Variants in NXPH2 observed in about 807,000 individuals in gnomAD.
NXPH2 encodes neurexophilin 2, also known as neurexophilin-2.
NXPH2 carries 5 observed loss-of-function variants against 19.8 expected under a neutral mutation model. That is an observed-to-expected ratio of 0.25 (90% CI 0.13 to 0.53). NXPH2 has a LOEUF of 0.53. Ranked by LOEUF, NXPH2 falls within the 20% of genes least tolerant of loss-of-function variation. The probability of loss-of-function intolerance (pLI) is 0.96; values close to 1 mark genes in which losing one functional copy is unlikely to be tolerated. For synonymous variants in NXPH2, 154 were observed against 127.4 expected (o/e 1.21, Z -1.41); for missense variants, 289 against 322.8 (o/e 0.90, Z 0.80).
At position 138,699,768 on chromosome 2, in the gene NXPH2, T is replaced by C. The variant is rs546462121; in HGVS notation, c.52-28103A>G. 2.6e-5 allele frequency among the ~76,000 whole-genome samples: 4 copies of C among 152,336 alleles called. No homozygotes were observed. The East Asian group carries it at 7.7e-4, about 29-fold the overall frequency. ...TCCTATTTGATCCCAGCCAGCTTCC[T>C]GCTGGGGTGCAAAGTATCAGCTGCG... On this transcript the variant is annotated intron_variant, in intron 1 of 1. Coordinates refer to ENST00000272641, the MANE Select transcript of NXPH2 (RefSeq NM_007226.3).
chr2:138,754,748 T>G (rs1190759635), intron 1 of NXPH2, among the ~76,000 whole-genome samples: 1 of 152,166 alleles, frequency 6.6e-6, no homozygotes, highest in East Asian at 1.9e-4. Context: ...TACATTTAGC[T>G]TTATAAGAAG....
intron 1 of NXPH2, among the ~76,000 whole-genome samples, chr2:138,747,978 A>C (rs931580834): frequency 6.6e-6 from 1 of 152,048 alleles, no homozygotes; most frequent in Non-Finnish European, 1.5e-5. Flanking sequence ...TTCTGGACTT[A>C]TTTCTCCAGG....
chr2:138,706,662 A>G (rs913272999), intron 1 of NXPH2, among the ~76,000 whole-genome samples: 1 of 152,214 alleles, frequency 6.6e-6, no homozygotes, highest in African/African-American at 2.4e-5. Context: ...CTGTAATCCC[A>G]GCACTTTTGG....
intron 1 of NXPH2, among the ~76,000 whole-genome samples, chr2:138,743,716 G>C (rs1031044088): frequency 3.9e-5 from 6 of 152,080 alleles, no homozygotes; most frequent in Non-Finnish European, 7.4e-5. Context: ...AAAAATGATG[G>C]AAGTAGCCAG....
At chr2:138,769,524 CAAAG>C (rs1277340423) in intron 1 of NXPH2, among the ~76,000 whole-genome samples, 2 of 152,126 alleles carry the variant, frequency 1.3e-5, no homozygotes, top group East Asian at 3.8e-4. Flanking sequence ...CCAGAAGACA[CAAAG>C]AAGAGTAAAT....
chr2:138,776,305 G>GA (rs925374738), intron 1 of NXPH2, among the ~76,000 whole-genome samples: 11 of 151,796 alleles, frequency 7.2e-5, no homozygotes, highest in South Asian at 2.1e-4. Flanking sequence ...CCATAAAAAA[G>GA]AAAAAATTAC....
rs573592762 is a variant in NXPH2, at chr2:138,705,166, G to A, written c.52-33501C>T. 4.6e-5 allele frequency among the ~76,000 whole-genome samples: 7 copies of A among 152,032 alleles called. No homozygotes were observed. In the South Asian group the frequency reaches 6.2e-4, roughly 14 times the overall value. The stretch of plus-strand genomic sequence containing the variant: ...TTTTGTAGAGATGGAGTCTCGATAC[G>A]TTGCTCAGGCTGGTCTCCAACTCCT... On this transcript the variant is annotated intron_variant, in intron 1 of 1. Coordinates refer to ENST00000272641, the MANE Select transcript of NXPH2 (RefSeq NM_007226.3).
In NXPH2 at chr2:138,673,559, C is replaced by T. The variant is rs112540782; in HGVS notation, c.52-1894G>A. Among the ~76,000 whole-genome samples, 382 of 152,064 alleles carry T rather than the reference C, an allele frequency of 2.5e-3. 1 individual carries two copies. The highest frequency in any genetic ancestry group is 4.2e-3 in the Non-Finnish European group (283 of 68,000). On this transcript the variant is annotated intron_variant, in intron 1 of 1. Coordinates refer to ENST00000272641, the MANE Select transcript of NXPH2 (RefSeq NM_007226.3). ...TCAAACTACTTTAAAATATACAACA[C>T]GTTGTTGCTAACTATAGTATAGTCA...
intron 1 of NXPH2, among the ~76,000 whole-genome samples, chr2:138,748,116 G>T (rs1041154536): frequency 3.9e-5 from 6 of 152,208 alleles, no homozygotes; most frequent in Non-Finnish European, 2.9e-5. Context: ...CATTTATCCA[G>T]TGTTTCACGA....
At chr2:138,736,786 T>A (rs1681551390) in intron 1 of NXPH2, among the ~76,000 whole-genome samples, 2 of 152,218 alleles carry the variant, frequency 1.3e-5, no homozygotes, top group African/African-American at 4.8e-5. Flanking sequence ...TTTAACAGCA[T>A]CCGAGTCACA....
At chr2:138,772,247 T>C (rs4632273) in intron 1 of NXPH2, among the ~76,000 whole-genome samples, 146,981 of 152,306 alleles carry the variant, frequency 0.97, 71,122 homozygotes, top group East Asian at 1. Flanking sequence ...AACATGAAAA[T>C]GGCATTAAAG....
At chr2:138,754,727 T>C (rs557060621) in intron 1 of NXPH2, among the ~76,000 whole-genome samples, 1 of 152,302 alleles carries the variant, frequency 6.6e-6, no homozygotes, top group Non-Finnish European at 1.5e-5. Context: ...TCCTGGGTCA[T>C]ATAATAAAAA....
At chr2:138,741,691 AGC>A in intron 1 of NXPH2, among the ~76,000 whole-genome samples, 1 of 152,236 alleles carries the variant, frequency 6.6e-6, no homozygotes, top group Admixed American at 6.5e-5. Flanking sequence ...TTGATGTGAA[AGC>A]AAGGTACTTA....
At position 138,682,440 on chromosome 2, in the gene NXPH2, A is replaced by T. The variant is rs572766941; in HGVS notation, c.52-10775T>A. On this transcript the variant is annotated intron_variant, in intron 1 of 1. Coordinates refer to ENST00000272641, the MANE Select transcript of NXPH2 (RefSeq NM_007226.3). ...AACTGTCACAGTAGATTAAAAGAAGAATGACAAAAAAAGAATGAAAAATGA... is the reference window on the plus strand; with the variant it reads ...AACTGTCACAGTAGATTAAAAGAAGTATGACAAAAAAAGAATGAAAAATGA... Among the ~76,000 whole-genome samples the T allele has an allele frequency of 4.6e-5, 7 of 152,328 alleles. No individual in the cohort carries two copies. The South Asian group carries it at 1.5e-3, about 32-fold the overall frequency.
At chr2:138,713,139 A>G (rs1014460136) in intron 1 of NXPH2, among the ~76,000 whole-genome samples, 9 of 152,216 alleles carry the variant, frequency 5.9e-5, no homozygotes, top group Non-Finnish European at 1.2e-4. Context: ...AGAAGCCTGA[A>G]TTGAAAGGCC....
At chr2:138,690,633 A>T (rs1046612193) in intron 1 of NXPH2, among the ~76,000 whole-genome samples, 1 of 151,970 alleles carries the variant, frequency 6.6e-6, no homozygotes, top group African/African-American at 2.4e-5. Context: ...CTCTCTTAAG[A>T]CACATTAATG....
At chr2:138,761,459 C>A (rs910038383) in intron 1 of NXPH2, among the ~76,000 whole-genome samples, 2 of 152,158 alleles carry the variant, frequency 1.3e-5, no homozygotes, top group African/African-American at 4.8e-5. Flanking sequence ...GGCTACATTT[C>A]TTTATGGGTT....
At chr2:138,776,298 T>C (rs978695261) in intron 1 of NXPH2, among the ~76,000 whole-genome samples, 6 of 151,894 alleles carry the variant, frequency 4.0e-5, no homozygotes, top group Non-Finnish European at 5.9e-5. Context: ...TCAAAAACCA[T>C]AAAAAAGAAA....
At chr2:138,671,974 T>C (rs1680423606) in intron 1 of NXPH2, among the ~76,000 whole-genome samples, 1 of 152,232 alleles carries the variant, frequency 6.6e-6, no homozygotes, top group South Asian at 2.1e-4. Flanking sequence ...GGGGAAGTAG[T>C]ATATTTTGAC....
Sources: gnomAD v4.1 joint callset for allele counts (sites outside exome capture counted in the v4.1 genomes callset) on GRCh38, gnomAD v4.1.1 for gene constraint, MANE v1.5 for transcripts, NCBI Gene and HGNC (gene_info 2026-07-23, HGNC 2026-07-21) for gene names.